SCFD2: variants seen among roughly 807,000 people sequenced by gnomAD.
The protein encoded by SCFD2 is sec1 family domain-containing protein 2.
A neutral mutation model predicts 58.9 loss-of-function variants in SCFD2; 54 were observed. The observed-to-expected ratio is 0.92, with a 90% CI of 0.74 to 1.15. The LOEUF (loss-of-function observed/expected upper bound fraction) is 1.15. SCFD2 is among the 50% of genes most tolerant of loss of function. SCFD2 has a pLI of 0.00. For missense variants in SCFD2, 805 were observed against 836.6 expected, an observed-to-expected ratio of 0.96 and a Z score of 0.47; for synonymous variants, 321 against 335.9, an observed-to-expected ratio of 0.96 and a Z score of 0.49.
intron 4 of SCFD2, among the ~76,000 whole-genome samples, chr4:53,253,372 A>T (rs1353591705): frequency 1.3e-5 from 2 of 152,128 alleles, no homozygotes; most frequent in African/African-American, 4.8e-5. Flanking sequence ...CATTTGACCC[A>T]GCCATCCCAT....
chr4:53,324,784 G>A (rs375471059), intron 2 of SCFD2, among the ~76,000 whole-genome samples: 5 of 152,258 alleles, frequency 3.3e-5, no homozygotes, highest in African/African-American at 9.6e-5. Context: ...GGGAAGAGGG[G>A]TGAGTTCTGA....
intron 5 of SCFD2, among the ~76,000 whole-genome samples, chr4:53,061,352 C>A (rs1470512696): frequency 6.6e-6 from 1 of 152,096 alleles, no homozygotes; most frequent in African/African-American, 2.4e-5. Context: ...GGTATCGAAG[C>A]CCAGAGAAGT....
intron 2 of SCFD2, among the ~76,000 whole-genome samples, chr4:53,335,194 C>CAAAAAAAAAAAAA (rs56344451): frequency 2.5e-5 from 2 of 80,600 alleles, no homozygotes; most frequent in Non-Finnish European, 2.0e-5. Context: ...GACTCCGTCT[C>CAAAAAAAAAAAAA]AAAAAAAAAA....
chr4:53,324,608 T>C (rs1158446932), intron 2 of SCFD2, among the ~76,000 whole-genome samples: 1 of 151,960 alleles, frequency 6.6e-6, no homozygotes, highest in Non-Finnish European at 1.5e-5. Context: ...GCTCATGCCC[T>C]TATTGTGGAT....
At chr4:52,944,987 A>G (rs1007271366) in intron 5 of SCFD2, among the ~76,000 whole-genome samples, 2 of 152,238 alleles carry the variant, frequency 1.3e-5, no homozygotes, top group African/African-American at 2.4e-5. Flanking sequence ...TGCAGTCACT[A>G]AAAAAGCTCT....
intron 4 of SCFD2, among the ~76,000 whole-genome samples, chr4:53,236,752 C>T (rs1233696719): frequency 6.7e-6 from 1 of 150,208 alleles, no homozygotes; most frequent in Non-Finnish European, 1.5e-5. Context: ...ATAATAATTA[C>T]AGGGTTATTT....
chr4:52,982,495 C>T (rs1027968793), intron 5 of SCFD2, among the ~76,000 whole-genome samples: 1 of 152,142 alleles, frequency 6.6e-6, no homozygotes, highest in African/African-American at 2.4e-5. Flanking sequence ...AAATCTTATG[C>T]AGAATTTGTT....
chr4:52,918,141 G>C (rs1719651122), intron 6 of SCFD2, among the ~76,000 whole-genome samples: 1 of 137,080 alleles, frequency 7.3e-6, no homozygotes, highest in Non-Finnish European at 1.6e-5. Flanking sequence ...TGGGTAGAAA[G>C]CATAGATTTC....
chr4:53,309,456 CAG>C (rs1732620212), intron 3 of SCFD2, among the ~76,000 whole-genome samples: 1 of 152,038 alleles, frequency 6.6e-6, no homozygotes, highest in Non-Finnish European at 1.5e-5. Context: ...AATGTAACTC[CAG>C]AGATTTTTTC....
intron 8 of SCFD2, 57 bp downstream of exon 8, chr4:52,885,690 C>G (rs1188738441): frequency 1.2e-6 from 2 of 1,603,988 alleles, no homozygotes; most frequent in Non-Finnish European, 1.7e-6. Context: ...AGGGCCCTCA[C>G]CCACCCTTCA....
chr4:53,131,137 T>A (rs1424172973), intron 5 of SCFD2, among the ~76,000 whole-genome samples: 1 of 152,170 alleles, frequency 6.6e-6, no homozygotes, highest in Non-Finnish European at 1.5e-5. Context: ...ACCAACAAAA[T>A]GAAATTTATA....
chr4:53,098,300 C>G (rs1413165124), intron 5 of SCFD2, among the ~76,000 whole-genome samples: 1 of 152,170 alleles, frequency 6.6e-6, no homozygotes, highest in Non-Finnish European at 1.5e-5. Context: ...GGTACCAGCT[C>G]CTCCTTGTAC....
intron 4 of SCFD2, among the ~76,000 whole-genome samples, chr4:53,238,225 A>G (rs1457643919): frequency 2.5e-4 from 22 of 87,176 alleles, no homozygotes; most frequent in South Asian, 4.2e-4. Context: ...GGCCGGGCAG[A>G]GGGGCTCCTC....
intron 3 of SCFD2, among the ~76,000 whole-genome samples, chr4:53,300,768 TCAA>T (rs2149097749): frequency 6.6e-6 from 1 of 152,272 alleles, no homozygotes; most frequent in South Asian, 2.1e-4. Context: ...CACAGTGCAA[TCAA>T]ACTAGAACTC....
chr4:53,276,665 T>C (rs1731337824), intron 3 of SCFD2, among the ~76,000 whole-genome samples: 1 of 152,118 alleles, frequency 6.6e-6, no homozygotes, highest in Non-Finnish European at 1.5e-5. Context: ...CCTCTTAGTG[T>C]CCATGTGTTC....
chr4:53,148,024 G>A (rs1351198497), intron 4 of SCFD2, among the ~76,000 whole-genome samples: 2 of 152,060 alleles, frequency 1.3e-5, no homozygotes, highest in Admixed American at 6.5e-5. Flanking sequence ...TTTCATTTTG[G>A]CTGTTTACTC....
chr4:53,046,665 TTTG>T (rs1293590401), intron 5 of SCFD2, among the ~76,000 whole-genome samples: 3 of 151,972 alleles, frequency 2.0e-5, no homozygotes, highest in South Asian at 2.1e-4. Flanking sequence ...GCTACGTGTT[TTTG>T]TTGTTGTTTT....
intron 5 of SCFD2, among the ~76,000 whole-genome samples, chr4:53,088,628 T>A (rs1373227154): frequency 6.6e-6 from 1 of 152,194 alleles, no homozygotes; most frequent in Admixed American, 6.5e-5. Flanking sequence ...ATGGCTTATT[T>A]GGTTTCACAG....
intron 5 of SCFD2, chr4:52,956,229 C>G: frequency 2.2e-6 from 1 of 456,682 alleles, no homozygotes; most frequent in South Asian, 1.5e-5. Flanking sequence ...CTACCTGCCT[C>G]CCCATCATAC....
Sources: allele counts gnomAD v4.1 joint callset (sites outside exome capture counted in the v4.1 genomes callset), GRCh38; gene constraint gnomAD v4.1.1; transcripts MANE v1.5; gene names NCBI Gene and HGNC (gene_info 2026-07-23, HGNC 2026-07-21).